The following SELENOI variants were observed in gnomAD, a reference collection of about 807,000 sequenced individuals.
The protein encoded by SELENOI is ethanolaminephosphotransferase 1.
SELENOI carries 24 observed loss-of-function variants against 50.7 expected under a neutral mutation model. That is an observed-to-expected ratio of 0.47 (90% CI 0.34 to 0.67). SELENOI has a LOEUF of 0.67. Among genes scored for constraint, SELENOI ranks in the 30% least tolerant of loss-of-function variants. The probability of loss-of-function intolerance (pLI) is 0.01; values close to 1 mark genes in which losing one functional copy is unlikely to be tolerated. For missense variants in SELENOI, 352 were observed against 461.4 expected (o/e 0.76, Z 2.17); for synonymous variants, 155 against 170.2 (o/e 0.91, Z 0.70).
At chr2:26,381,229 T>C (rs1292368123) in intron 6 of SELENOI, among the ~76,000 whole-genome samples, 2 of 103,088 alleles carry the variant, frequency 1.9e-5, no homozygotes, top group South Asian at 4.0e-4. Context: ...TTTTTTTTTT[T>C]ACAAATTCTA....
chr2:26,378,478 A>G (rs1206610831), intron 6 of SELENOI, among the ~76,000 whole-genome samples: 2 of 152,256 alleles, frequency 1.3e-5, no homozygotes, highest in African/African-American at 4.8e-5. Context: ...ACTCAGATTT[A>G]GAATCTCAAC....
intron 1 of SELENOI, among the ~76,000 whole-genome samples, chr2:26,356,932 T>C (rs561464531): frequency 6.6e-6 from 1 of 152,302 alleles, no homozygotes; most frequent in Non-Finnish European, 1.5e-5. Flanking sequence ...AAGGTGTTTC[T>C]TGGCATGTAT....
intron 1 of SELENOI, among the ~76,000 whole-genome samples, chr2:26,349,346 G>A (rs1002154778): frequency 6.1e-5 from 8 of 130,554 alleles, no homozygotes; most frequent in African/African-American, 2.4e-4. Flanking sequence ...TGCTTTTGTC[G>A]CCCAGGCTGG....
At chr2:26,350,468 C>G (rs1436617636) in intron 1 of SELENOI, among the ~76,000 whole-genome samples, 1 of 152,058 alleles carries the variant, frequency 6.6e-6, no homozygotes, top group Non-Finnish European at 1.5e-5. Context: ...ATCTTCCTCC[C>G]TTGGCCTCAC....
chr2:26,394,736 C>T lies in SELENOI; in HGVS notation c.*5633C>T. On this transcript the variant is annotated 3_prime_UTR_variant, in exon 10 of 10. Transcript: ENST00000260585. The surrounding 1 kb of genome is among the most constrained non-coding windows in gnomAD (Gnocchi z 4.1). ...TAAACTCCCTGCTGCCCGCCTTCCC[C>T]CAGTCCCCTCCATCTAACATAATAC... is the stretch of plus-strand genomic sequence containing the variant. 6.6e-6 allele frequency: 1 copy of T among 152,182 alleles called. No individual in the cohort carries two copies. The highest frequency in any genetic ancestry group is 6.5e-5 in the Admixed American group (1 of 15,292). 9.4% of individuals were successfully genotyped at this position (152,182 alleles called of 1,614,324 possible). A position where few individuals can be genotyped will look rare whatever the true frequency, so the allele number is the denominator to read the frequency against.
intron 3 of SELENOI, 101 bp from the exon 4 acceptor site, chr2:26,367,045 T>G: frequency 9.9e-7 from 1 of 1,007,264 alleles, no homozygotes; most frequent in Non-Finnish European, 1.4e-6. Flanking sequence ...GTACTTTAAC[T>G]TCTAATGAAC....
At chr2:26,356,890 G>C (rs1268283453) in intron 1 of SELENOI, among the ~76,000 whole-genome samples, 1 of 151,942 alleles carries the variant, frequency 6.6e-6, no homozygotes, top group Non-Finnish European at 1.5e-5. Flanking sequence ...TCTGTTGGTG[G>C]TCTTTGTACA....
At chr2:26,381,824 T>A (rs1413056318) in intron 6 of SELENOI, among the ~76,000 whole-genome samples, 2 of 152,222 alleles carry the variant, frequency 1.3e-5, no homozygotes, top group Non-Finnish European at 2.9e-5. Context: ...TAGTCTTCTG[T>A]TTTAAGCCAG....
chr2:26,388,020 C>T (rs1489159651), intron 9 of SELENOI, among the ~76,000 whole-genome samples: 2 of 152,162 alleles, frequency 1.3e-5, no homozygotes, highest in African/African-American at 4.8e-5. Flanking sequence ...CTTAGTGTTT[C>T]TCTACAAAGT....
In SELENOI at chr2:26,389,369, G is replaced by T; in HGVS notation, c.*266G>T. 2 of 325,490 alleles carry T rather than the reference G, an allele frequency of 6.1e-6. No homozygotes were observed. Among genetic ancestry groups the T allele is most frequent in the South Asian group, 6.2e-5 (1 of 16,068 alleles). The allele number at this position is 325,490 out of a possible 1,614,324, so 20.2% of individuals were successfully genotyped here. On this transcript the variant is annotated 3_prime_UTR_variant, in exon 10 of 10. Coordinates refer to ENST00000260585, the MANE Select transcript of SELENOI (RefSeq NM_033505.4). ...AAATGTTCCTAATGGTTCTAACTTC[G>T]TGAGTTTACAATGTTGTGATTCATG... is the stretch of plus-strand genomic sequence containing the variant.
intron 1 of SELENOI, 114 bp downstream of exon 1, chr2:26,346,403 GC>G: frequency 3.0e-6 from 4 of 1,317,368 alleles, no homozygotes; most frequent in Non-Finnish European, 4.0e-6. Context: ...GGGCGGGCTG[GC>G]GGGCGTTCCT....
intron 8 of SELENOI, among the ~76,000 whole-genome samples, chr2:26,385,446 T>C (rs1293608301): frequency 6.6e-6 from 1 of 152,224 alleles, no homozygotes; most frequent in Non-Finnish European, 1.5e-5. Flanking sequence ...ACTCTAAATA[T>C]ATTACCAGTA....
At chr2:26,378,198 C>G (rs1274960485) in intron 6 of SELENOI, among the ~76,000 whole-genome samples, 1 of 152,108 alleles carries the variant, frequency 6.6e-6, no homozygotes, top group Non-Finnish European at 1.5e-5. Flanking sequence ...TGGGGTTTCC[C>G]CATCTGAATC....
chr2:26,365,034 TA>T (rs1558414948), intron 3 of SELENOI, 94 bp downstream of exon 3: 1 of 918,024 alleles, frequency 1.1e-6, no homozygotes, highest in Non-Finnish European at 1.6e-6. Context: ...TTCATATTTC[TA>T]AAAAATTTTG....
chr2:26,359,575 A>G (rs6755479), intron 1 of SELENOI, among the ~76,000 whole-genome samples: 139 of 152,182 alleles, frequency 9.1e-4, no homozygotes, highest in African/African-American at 3.2e-3. Context: ...CCCGGGAGGC[A>G]GAGGTTGCAG....
intron 6 of SELENOI, among the ~76,000 whole-genome samples, chr2:26,379,299 C>T (rs1275898209): frequency 2.6e-5 from 4 of 152,106 alleles, no homozygotes; most frequent in African/African-American, 4.8e-5. Context: ...TTTTAATCTA[C>T]GTAGCTTTTC....
intron 6 of SELENOI, among the ~76,000 whole-genome samples, chr2:26,378,571 T>TAAGCTGGTAAGG (rs1677617428): frequency 6.6e-6 from 1 of 152,218 alleles, no homozygotes; most frequent in Admixed American, 6.5e-5. Flanking sequence ...TCTGCTTCCA[T>TAAGCTGGTAAGG]AAGCTGGTAA....
rs570004231 is a variant in SELENOI at position 26,383,207 on chromosome 2, T to G, written c.683-92T>G. On this transcript the variant is annotated intron_variant, in intron 6 of 9. Transcript: ENST00000260585. ...CAAGTAAACTTGAACCTGAAATTTT[T>G]GGGGTCTAAAAAAATTTGTTTTGCA... The G allele has an allele frequency of 2.5e-5, 19 of 767,498 alleles. No homozygotes were observed. The African/African-American group carries it at 2.7e-4, about 11-fold the overall frequency. 47.5% of individuals were successfully genotyped at this position (767,498 alleles called of 1,614,324 possible). A position where few individuals can be genotyped will look rare whatever the true frequency, so the allele number is the denominator to read the frequency against.
At chr2:26,346,932 T>TGA (rs1676792920) in intron 1 of SELENOI, 1 of 152,242 alleles carries the variant, frequency 6.6e-6, no homozygotes, top group Non-Finnish European at 1.5e-5. Context: ...TTAACCCCGC[T>TGA]CAGCCTCTCT....
Sources: allele counts gnomAD v4.1 joint callset (sites outside exome capture counted in the v4.1 genomes callset), GRCh38; gene constraint gnomAD v4.1.1; non-coding constraint Gnocchi (gnomAD v3.1); transcripts MANE v1.5; gene names NCBI Gene and HGNC (gene_info 2026-07-23, HGNC 2026-07-21).